The following PAX5 variants were observed in gnomAD, a reference collection of about 807,000 sequenced individuals.
The protein encoded by PAX5 is paired box protein Pax-5.
In PAX5, 9 loss-of-function variants were observed where a neutral mutation model predicts 43.7. The ratio of observed to expected loss-of-function variants is 0.21; its 90% CI spans 0.12 to 0.36. The LOEUF is 0.36. PAX5 is among the 10% of genes least tolerant of loss of function. PAX5 has a pLI of 1.00. For synonymous variants in PAX5, 228 were observed against 214.3 expected (o/e 1.06, Z -0.56); for missense variants, 383 against 532.7 (o/e 0.72, Z 2.77).
Position 36,934,401 on chromosome 9 carries a change from GA to G in PAX5, c.781-10918del, listed in dbSNP as rs1831380894. ...AGCAGGAGGAATCCTTGCAGTGGTA[GA>G]AATAGCCTGTATCTTGGACTCAATG... On this transcript the variant is annotated intron_variant, in intron 6 of 9. Coordinates refer to ENST00000358127, the MANE Select transcript of PAX5 (RefSeq NM_016734.3). 2.0e-5 allele frequency among the ~76,000 whole-genome samples: 3 copies of G among 152,314 alleles called. No individual in the cohort carries two copies. The South Asian group carries it at 6.2e-4, about 32-fold the overall frequency.
rs1839287837 is a variant in PAX5, at chr9:37,015,187, C to G, written c.220G>C (p.Glu74Gln). The change falls in exon 3 of 10, where the codon GAG (glutamate) becomes CAG (glutamine). Residue 74 changes from glutamate (E) to glutamine (Q), a missense_variant. Around this residue, in one of 5 missense-constraint regions of PAX5, gnomAD observed 4 missense variants for 31.6 expected, o/e 0.13. Coordinates refer to ENST00000358127, the MANE Select transcript of PAX5 (RefSeq NM_016734.3). The surrounding 1 kb of genome is among the most constrained non-coding windows in gnomAD (Gnocchi z 4.4). Reference sequence around the variant, plus strand: ...ACCCCAGGCTTGATGCTTCCTGTCTCATAATACCTAGGACCCAAAGAGAAA... The same window carrying G: ...ACCCCAGGCTTGATGCTTCCTGTCTGATAATACCTAGGACCCAAAGAGAAA... Reference protein sequence around the residue: ...CVSKILGRYYETGSIKPGVIG... With the variant: ...CVSKILGRYYQTGSIKPGVIG... 6.2e-7 allele frequency: 1 copy of G among 1,613,804 alleles called. No homozygotes were observed. The highest frequency in any genetic ancestry group is 1.3e-5 in the African/African-American group (1 of 74,898).
chr9:36,912,186 C>T (rs1829353189), intron 7 of PAX5, among the ~76,000 whole-genome samples: 1 of 152,248 alleles, frequency 6.6e-6, no homozygotes, highest in South Asian at 2.1e-4. Context: ...GTCTCTTTGT[C>T]TTATGCCCCC....
chr9:37,020,679 G>T lies in PAX5; in HGVS notation c.169C>A (p.Gln57Lys), dbSNP rs1406498440. ...QGVRPCDISR[Q>K]LRVSHGCVSK... ...ACACAACCATGGCTGACCCGAAGCT[G>T]CCTGGAGATGTCGCAGGGCCTGACA... Residue 57 changes from glutamine to lysine, a missense_variant, in exon 2 of 10, where the codon CAG becomes AAG. This residue lies in a region of PAX5 where 4 missense variants were observed against 31.6 expected (regional missense o/e 0.13). Coordinates refer to ENST00000358127, the MANE Select transcript of PAX5 (RefSeq NM_016734.3). The T allele has an allele frequency of 1.9e-6, 3 of 1,614,094 alleles. No individual in the cohort carries two copies. The highest frequency in any genetic ancestry group is 2.5e-6 in the Non-Finnish European group (3 of 1,180,048).
intron 5 of PAX5, among the ~76,000 whole-genome samples, chr9:36,993,068 C>G (rs1219416577): frequency 6.6e-6 from 1 of 152,200 alleles, no homozygotes; most frequent in African/African-American, 2.4e-5. Context: ...CACTCTCATT[C>G]TCTCACGAGT....
chr9:36,994,507 G>A (rs1281918198), intron 5 of PAX5, among the ~76,000 whole-genome samples: 2 of 152,010 alleles, frequency 1.3e-5, no homozygotes, highest in Non-Finnish European at 1.5e-5. Flanking sequence ...ATACACGCAC[G>A]CACACTCGGC....
chr9:36,976,836 A>G (rs777796036), intron 5 of PAX5, among the ~76,000 whole-genome samples: 7 of 152,212 alleles, frequency 4.6e-5, no homozygotes, highest in Non-Finnish European at 1.0e-4. Context: ...GTGATTCCAC[A>G]TTCGAGGATG....
intron 8 of PAX5, among the ~76,000 whole-genome samples, chr9:36,852,507 C>T (rs1321246771): frequency 6.6e-6 from 1 of 152,160 alleles, no homozygotes; most frequent in East Asian, 1.9e-4. Context: ...AAAATGACGG[C>T]GAGACTAGAA....
Position 37,008,228 on chromosome 9 carries a change from ATT to A in PAX5, c.411-1693_411-1692del, listed in dbSNP as rs566229955. On this transcript the variant is annotated intron_variant, in intron 3 of 9. Coordinates refer to ENST00000358127, the MANE Select transcript of PAX5 (RefSeq NM_016734.3). The stretch of plus-strand genomic sequence containing the variant: ...GCGCATGCCACTGCCTAATTTTTGT[ATT>A]TTTAGTAAAGAAGAGGTTTCACCAC... Among the ~76,000 whole-genome samples the A allele has an allele frequency of 4.5e-3, 682 of 152,042 alleles. 2 individuals are homozygous for A. The highest frequency in any genetic ancestry group is 7.0e-3 in the Non-Finnish European group (473 of 67,970).
At chr9:36,860,745 T>G (rs1489964904) in intron 8 of PAX5, 1 of 152,162 alleles carries the variant, frequency 6.6e-6, no homozygotes, top group East Asian at 1.9e-4. Flanking sequence ...GCAGCCACCA[T>G]AAGCTAACCA....
intron 6 of PAX5, among the ~76,000 whole-genome samples, chr9:36,956,549 C>T (rs955418605): frequency 2.6e-5 from 4 of 152,200 alleles, no homozygotes; most frequent in Non-Finnish European, 5.9e-5. Flanking sequence ...CAGAACCCCA[C>T]GCTTTTCACT....
At chr9:36,840,693 C>G (rs112533218) in intron 9 of PAX5, 57 bp from the exon 10 acceptor site, 22 of 1,097,390 alleles carry the variant, frequency 2.0e-5, no homozygotes, top group African/African-American at 1.8e-4. Flanking sequence ...TTCCACCAGT[C>G]TCCTCCACTT....
At chr9:36,865,190 G>C (rs1212323389) in intron 8 of PAX5, among the ~76,000 whole-genome samples, 1 of 152,188 alleles carries the variant, frequency 6.6e-6, no homozygotes, top group Non-Finnish European at 1.5e-5. Flanking sequence ...CAGAGACCAA[G>C]ATTTCCAGGT....
chr9:37,013,084 C>T (rs1427314215), intron 3 of PAX5, among the ~76,000 whole-genome samples: 1 of 138,858 alleles, frequency 7.2e-6, no homozygotes, highest in African/African-American at 2.5e-5. Flanking sequence ...ACCCCCATCT[C>T]TACATAAAAA....
At chr9:36,949,573 C>G (rs1485439540) in intron 6 of PAX5, among the ~76,000 whole-genome samples, 2 of 152,192 alleles carry the variant, frequency 1.3e-5, no homozygotes, top group African/African-American at 4.8e-5. Flanking sequence ...CTTTTATTAC[C>G]ACAATCTCCC....
At chr9:36,991,403 C>T (rs958756763) in intron 5 of PAX5, among the ~76,000 whole-genome samples, 120 of 152,048 alleles carry the variant, frequency 7.9e-4, no homozygotes, top group African/African-American at 1.0e-3. Context: ...TTTTAATATG[C>T]GGAAAACAAG....
chr9:36,933,254 T>C (rs1252382377), intron 6 of PAX5, among the ~76,000 whole-genome samples: 2 of 151,904 alleles, frequency 1.3e-5, no homozygotes, highest in Non-Finnish European at 2.9e-5. Flanking sequence ...TCATCAGCCA[T>C]CCAACAAATA....
chr9:37,021,462 A>G (rs1431079533), intron 1 of PAX5, among the ~76,000 whole-genome samples: 1 of 152,238 alleles, frequency 6.6e-6, no homozygotes, highest in East Asian at 1.9e-4. Context: ...GAAATGGGTC[A>G]TAGCATCTTC....
chr9:36,834,908 C>A lies in PAX5; in HGVS notation c.*5652G>T, dbSNP rs1195960524. ...GCCTCCTCCTGCCAGGCCTCAGAGT[C>A]GGGGAGGAGATGCACGACTGCCAAG... is the stretch of plus-strand genomic sequence containing the variant. On this transcript the variant is annotated 3_prime_UTR_variant, in exon 10 of 10. Coordinates refer to ENST00000358127, the MANE Select transcript of PAX5 (RefSeq NM_016734.3). 3.0e-5 allele frequency: 7 copies of A among 231,916 alleles called. No individual in the cohort carries two copies. In the Admixed American group the frequency reaches 3.9e-4, roughly 13 times the overall value. 14.4% of individuals were successfully genotyped at this position (231,916 alleles called of 1,614,324 possible).
At chr9:36,919,139 A>G (rs1197070187) in intron 7 of PAX5, among the ~76,000 whole-genome samples, 1 of 152,220 alleles carries the variant, frequency 6.6e-6, no homozygotes, top group Non-Finnish European at 1.5e-5. Context: ...TGAGAATTAT[A>G]CTAAATCTAC....
Sources: gnomAD v4.1 joint callset for allele counts (sites outside exome capture counted in the v4.1 genomes callset) on GRCh38, gnomAD v4.1.1 for gene constraint, gnomAD v4.1.1 regional missense constraint, Gnocchi (gnomAD v3.1) non-coding constraint, MANE v1.5 for transcripts, NCBI Gene and HGNC (gene_info 2026-07-23, HGNC 2026-07-21) for gene names.